The following SPOCK1 variants were observed in gnomAD, a reference collection of about 807,000 sequenced individuals.
The protein encoded by SPOCK1 is testican-1.
SPOCK1 carries 23 observed loss-of-function variants against 55.3 expected under a neutral mutation model. The ratio of observed to expected loss-of-function variants is 0.42; its 90% CI spans 0.30 to 0.59. SPOCK1 has a LOEUF of 0.59. Among genes scored for constraint, SPOCK1 ranks in the 20% least tolerant of loss-of-function variants. The probability of loss-of-function intolerance (pLI) is 0.22; values close to 1 mark genes in which losing one functional copy is unlikely to be tolerated. For synonymous variants in SPOCK1, 226 were observed against 221.0 expected (o/e 1.02, Z -0.20); for missense variants, 499 against 552.5 (o/e 0.90, Z 0.97).
intron 3 of SPOCK1, among the ~76,000 whole-genome samples, chr5:137,211,114 C>T (rs1326446528): frequency 3.3e-5 from 5 of 152,144 alleles, no homozygotes; most frequent in Admixed American, 3.3e-4. Flanking sequence ...CCTCCGAAGC[C>T]CCCATCTAAT....
At chr5:137,132,459 A>T (rs919105249) in intron 4 of SPOCK1, among the ~76,000 whole-genome samples, 2 of 152,218 alleles carry the variant, frequency 1.3e-5, no homozygotes, top group African/African-American at 4.8e-5. Flanking sequence ...CAATATGTAC[A>T]TTCCTTAATA....
intron 2 of SPOCK1, among the ~76,000 whole-genome samples, chr5:137,381,841 A>C (rs920964418): frequency 2.0e-5 from 3 of 152,202 alleles, no homozygotes; most frequent in Admixed American, 2.0e-4. Flanking sequence ...GGCTATTAAC[A>C]TTTAGCTCCT....
At chr5:137,051,972 C>A (rs1272617268) in intron 6 of SPOCK1, among the ~76,000 whole-genome samples, 4 of 152,206 alleles carry the variant, frequency 2.6e-5, no homozygotes, top group African/African-American at 9.6e-5. Flanking sequence ...CCATGCGTGA[C>A]TGTACTCAGA....
intron 3 of SPOCK1, among the ~76,000 whole-genome samples, chr5:137,237,042 T>C (rs1756194757): frequency 6.6e-6 from 1 of 152,334 alleles, no homozygotes; most frequent in Admixed American, 6.5e-5. Flanking sequence ...CTGTCCTCTA[T>C]AATGACTTCA....
chr5:137,161,867 G>C (rs963085432), intron 3 of SPOCK1, among the ~76,000 whole-genome samples: 1 of 152,016 alleles, frequency 6.6e-6, no homozygotes, highest in Non-Finnish European at 1.5e-5. Flanking sequence ...TTTCCATTAC[G>C]TAAGAATAAG....
chr5:137,179,603 C>G (rs1350792254), intron 3 of SPOCK1, among the ~76,000 whole-genome samples: 1 of 152,130 alleles, frequency 6.6e-6, no homozygotes, highest in Non-Finnish European at 1.5e-5. Context: ...CCGGTAGCAG[C>G]CTCAATACTG....
At chr5:137,107,637 C>G (rs1253804710) in intron 5 of SPOCK1, among the ~76,000 whole-genome samples, 1 of 152,102 alleles carries the variant, frequency 6.6e-6, no homozygotes, top group Non-Finnish European at 1.5e-5. Flanking sequence ...AGTGGTGTCC[C>G]TGGTATCAGG....
intron 3 of SPOCK1, among the ~76,000 whole-genome samples, chr5:137,190,836 G>A (rs557915059): frequency 2.6e-5 from 4 of 152,294 alleles, no homozygotes; most frequent in African/African-American, 7.2e-5. Context: ...CCAAGAGACT[G>A]AGGTCAAGAT....
chr5:136,985,357 T>C (rs1351414009), intron 8 of SPOCK1, among the ~76,000 whole-genome samples, 155 bp from the exon 9 acceptor site: 1 of 152,168 alleles, frequency 6.6e-6, no homozygotes, highest in Non-Finnish European at 1.5e-5. Flanking sequence ...ATTCGGGCCA[T>C]TAGTGTTACT....
chr5:137,120,414 T>G (rs903345292), intron 4 of SPOCK1, among the ~76,000 whole-genome samples: 1 of 152,210 alleles, frequency 6.6e-6, no homozygotes, highest in Non-Finnish European at 1.5e-5. Context: ...ATCTCTCTGG[T>G]GTACCCGAAT....
intron 6 of SPOCK1, among the ~76,000 whole-genome samples, chr5:136,995,706 C>T (rs1446330947): frequency 1.3e-5 from 2 of 152,112 alleles, no homozygotes; most frequent in Admixed American, 1.3e-4. Context: ...TTAACTAAAC[C>T]CTGACAGATG....
chr5:137,364,063 C>T (rs990054857), intron 2 of SPOCK1, among the ~76,000 whole-genome samples: 2 of 152,208 alleles, frequency 1.3e-5, no homozygotes, highest in Non-Finnish European at 2.9e-5. Flanking sequence ...CTGCTCATTT[C>T]CCCCTAGAAG....
At chr5:137,009,688 C>A (rs1400005780) in intron 6 of SPOCK1, among the ~76,000 whole-genome samples, 1 of 152,160 alleles carries the variant, frequency 6.6e-6, no homozygotes, top group Non-Finnish European at 1.5e-5. Flanking sequence ...TAACATTTTT[C>A]TTTTAAACCA....
chr5:136,985,869 C>T (rs988200038), intron 8 of SPOCK1, among the ~76,000 whole-genome samples: 1 of 152,206 alleles, frequency 6.6e-6, no homozygotes, highest in Non-Finnish European at 1.5e-5. Flanking sequence ...ATTCATTCTT[C>T]AGAGTTTTAC....
chr5:137,251,179 C>T (rs1369166630), intron 3 of SPOCK1, among the ~76,000 whole-genome samples: 1 of 152,180 alleles, frequency 6.6e-6, no homozygotes, highest in Non-Finnish European at 1.5e-5. Flanking sequence ...CTGAGGGCCA[C>T]GCACTGCAAA....
chr5:137,332,099 C>T (rs939683691), intron 2 of SPOCK1, among the ~76,000 whole-genome samples: 13 of 152,112 alleles, frequency 8.5e-5, no homozygotes, highest in African/African-American at 2.9e-4. Context: ...TTCTTTTCCC[C>T]TCTCTGGCCC....
intron 2 of SPOCK1, among the ~76,000 whole-genome samples, chr5:137,406,063 G>A (rs1247958040): frequency 6.6e-6 from 1 of 152,208 alleles, no homozygotes; most frequent in Non-Finnish European, 1.5e-5. Context: ...GTCCAGCTGA[G>A]AGGACATCCC....
rs879842948 is a variant in SPOCK1 at position 136,977,424 on chromosome 5, T to TA, written c.*1229dup. 2.3e-3 allele frequency: 374 copies of TA among 161,656 alleles called. 1 individual carries two copies. The highest frequency in any genetic ancestry group is 0.01 in the Middle Eastern group (4 of 386). The allele number at this position is 161,656 out of a possible 1,614,324, so 10.0% of individuals were successfully genotyped here. On this transcript the variant is annotated 3_prime_UTR_variant, in exon 11 of 11. Coordinates refer to ENST00000394945, the MANE Select transcript of SPOCK1 (RefSeq NM_004598.4). ...AGGCCTCCATTTGGGATTGAGTGGT[T>TA]AAAAAAAAAAATCTGTACAGCTTTT...
chr5:137,066,416 G>A (rs1752505932), intron 6 of SPOCK1, among the ~76,000 whole-genome samples: 1 of 152,186 alleles, frequency 6.6e-6, no homozygotes, highest in East Asian at 1.9e-4. Flanking sequence ...TGGGATTACA[G>A]GTGTGAGCCA....
Sources: allele counts gnomAD v4.1 joint callset (sites outside exome capture counted in the v4.1 genomes callset), GRCh38; gene constraint gnomAD v4.1.1; transcripts MANE v1.5; gene names NCBI Gene and HGNC (gene_info 2026-07-23, HGNC 2026-07-21).